The following CCDC122 variants were observed in gnomAD, a reference collection of about 807,000 sequenced individuals.
CCDC122 encodes the protein coiled-coil domain-containing protein 122.
A neutral mutation model predicts 37.0 loss-of-function variants in CCDC122; 38 were observed. The ratio of observed to expected loss-of-function variants is 1.03; its 90% CI spans 0.79 to 1.35. CCDC122 has a LOEUF of 1.35. Among genes scored for constraint, CCDC122 ranks in the 40% most tolerant of loss-of-function variants. The pLI, the probability that CCDC122 is intolerant of heterozygous loss-of-function variation, is 0.00. For synonymous variants in CCDC122, 83 were observed against 95.6 expected, an observed-to-expected ratio of 0.87 and a Z score of 0.77; for missense variants, 305 against 310.0, an observed-to-expected ratio of 0.98 and a Z score of 0.12.
In CCDC122 at chr13:43,859,731, T is replaced by C; in HGVS notation, c.496A>G (p.Lys166Glu). The C allele has an allele frequency of 6.3e-7, 1 of 1,595,308 alleles. No homozygotes were observed. Among genetic ancestry groups the C allele is most frequent in the Non-Finnish European group, 8.5e-7 (1 of 1,174,538 alleles). The change falls in exon 5 of 7, where the codon AAA becomes GAA. Residue 166 changes from lysine to glutamate, a missense_variant. Physicochemically the swap from Lys to Glu is moderately conservative, Grantham distance 56 (BLOSUM62 1). Transcript: ENST00000444614. ...RDFVKKLKTMKEELMQDLQNP... is the reference protein window; with the variant it reads ...RDFVKKLKTMEEELMQDLQNP... The stretch of plus-strand genomic sequence containing the variant: ...TGAAGATCTTGCATAAGTTCTTCTT[T>C]CATTGTCTTTAATTTTTTAACAAAA...
chr13:43,871,561 T>C (rs1263571698), intron 2 of CCDC122, among the ~76,000 whole-genome samples: 1 of 152,156 alleles, frequency 6.6e-6, no homozygotes, highest in Non-Finnish European at 1.5e-5. Flanking sequence ...CTTATTCAGC[T>C]TGGTAAGTCC....
intron 6 of CCDC122, among the ~76,000 whole-genome samples, chr13:43,844,290 C>T (rs898681257): frequency 1.3e-5 from 2 of 151,904 alleles, no homozygotes; most frequent in African/African-American, 2.4e-5. Flanking sequence ...TTCTTTGACT[C>T]ATGGGTTATT....
downstream of CCDC122, among the ~76,000 whole-genome samples, chr13:43,822,263 G>A (rs1952999324): frequency 6.6e-6 from 1 of 152,222 alleles, no homozygotes; most frequent in Non-Finnish European, 1.5e-5. Flanking sequence ...GGATTACCAA[G>A]CAGAGACTCG....
chr13:43,841,929 ACT>A (rs1231749210), intron 6 of CCDC122, among the ~76,000 whole-genome samples: 1 of 151,770 alleles, frequency 6.6e-6, no homozygotes, highest in Non-Finnish European at 1.5e-5. Flanking sequence ...CTGGTCTTCA[ACT>A]CCTGGGCTCA....
chr13:43,823,838 C>A (rs1727948693), downstream of CCDC122: 1 of 152,208 alleles, frequency 6.6e-6, no homozygotes, highest in South Asian at 2.1e-4. Flanking sequence ...TAGTTTGGCT[C>A]TTCAAGACTA....
intron 3 of CCDC122, among the ~76,000 whole-genome samples, chr13:43,828,555 T>TATAC (rs1953060252): frequency 6.8e-6 from 1 of 146,134 alleles, no homozygotes; most frequent in African/African-American, 2.5e-5. Flanking sequence ...TATAGACAGA[T>TATAC]ACACACACAC....
downstream of CCDC122, among the ~76,000 whole-genome samples, chr13:43,833,277 T>C (rs939681962): frequency 3.9e-5 from 6 of 152,246 alleles, no homozygotes; most frequent in African/African-American, 1.2e-4. Context: ...TACCTTTTAC[T>C]GACCATTTAG....
intron 2 of CCDC122, among the ~76,000 whole-genome samples, chr13:43,869,705 G>A (rs1242250518): frequency 6.6e-6 from 1 of 151,534 alleles, no homozygotes; most frequent in African/African-American, 2.4e-5. Context: ...TCATAAGGCT[G>A]TTCTAATAAT....
At chr13:43,873,344 T>A (rs1954505115) in intron 2 of CCDC122, among the ~76,000 whole-genome samples, 1 of 152,156 alleles carries the variant, frequency 6.6e-6, no homozygotes, top group Admixed American at 6.5e-5. Flanking sequence ...ACTCAATATA[T>A]CACAAACTGA....
downstream of CCDC122, among the ~76,000 whole-genome samples, chr13:43,834,188 G>C (rs998623738): frequency 6.6e-6 from 1 of 152,084 alleles, no homozygotes. Context: ...TGACAAACCT[G>C]GCAAAAACAA....
intron 3 of CCDC122, among the ~76,000 whole-genome samples, chr13:43,827,910 G>A (rs1953054353): frequency 6.6e-6 from 1 of 152,212 alleles, no homozygotes; most frequent in African/African-American, 2.4e-5. Context: ...GGATGTAGGA[G>A]AGAGAACACC....
intron 6 of CCDC122, among the ~76,000 whole-genome samples, chr13:43,844,893 C>T (rs1953468955): frequency 6.6e-6 from 1 of 151,934 alleles, no homozygotes. Context: ...GTTATGCTTG[C>T]CACTTGATTT....
downstream of CCDC122, among the ~76,000 whole-genome samples, chr13:43,820,006 C>T (rs1264629797): frequency 5.3e-5 from 8 of 151,568 alleles, no homozygotes; most frequent in African/African-American, 1.9e-4. Flanking sequence ...TATTTTGAAA[C>T]AATAAATATT....
At position 43,836,830 on chromosome 13, in the gene CCDC122, C is replaced by T. The variant is rs1325516704; in HGVS notation, c.*450G>A. 1.6e-5 allele frequency: 2 copies of T among 124,764 alleles called. No individual in the cohort carries two copies. Among genetic ancestry groups the T allele is most frequent in the Admixed American group, 2.0e-4 (2 of 9,888 alleles). The allele number at this position is 124,764 out of a possible 1,614,324, so 7.7% of individuals were successfully genotyped here. ...GCGCCACTGCAGTCCGCAGTCCGGC[C>T]TGGGCGACAGAGCGAGACTCCGTCT... On this transcript the variant is annotated 3_prime_UTR_variant, in exon 7 of 7. Transcript: ENST00000444614.
At chr13:43,844,979 AT>A (rs1366166400) in intron 6 of CCDC122, among the ~76,000 whole-genome samples, 1 of 152,094 alleles carries the variant, frequency 6.6e-6, no homozygotes, top group African/African-American at 2.4e-5. Flanking sequence ...AACTAATGAT[AT>A]TTTGGGGTTA....
intron 6 of CCDC122, among the ~76,000 whole-genome samples, chr13:43,853,076 A>T (rs1801881914): frequency 1.3e-5 from 2 of 152,108 alleles, no homozygotes. Context: ...GCAACCACAT[A>T]AACAAGTCTG....
intron 2 of CCDC122, among the ~76,000 whole-genome samples, chr13:43,870,163 C>T (rs1035934240): frequency 1.3e-5 from 2 of 151,628 alleles, no homozygotes; most frequent in Non-Finnish European, 2.9e-5. Flanking sequence ...GAGATCAAAT[C>T]TATCTAGAAA....
intron 1 of CCDC122, among the ~76,000 whole-genome samples, chr13:43,876,171 A>C (rs1166337232): frequency 6.6e-6 from 1 of 152,182 alleles, no homozygotes; most frequent in Admixed American, 6.5e-5. Context: ...TGAGAGAACA[A>C]GTTTTTGTTG....
chr13:43,849,155 G>A, intron 6 of CCDC122: 1 of 673,412 alleles, frequency 1.5e-6, no homozygotes, highest in Non-Finnish European at 1.8e-6. Flanking sequence ...AAATGAATTA[G>A]AAGTAATAGA....
Sources: gnomAD v4.1 joint callset for allele counts (sites outside exome capture counted in the v4.1 genomes callset) on GRCh38, gnomAD v4.1.1 for gene constraint, MANE v1.5 for transcripts, NCBI Gene and HGNC (gene_info 2026-07-23, HGNC 2026-07-21) for gene names.